EML2: variants seen among roughly 807,000 people sequenced by gnomAD.
EML2 encodes the protein echinoderm microtubule-associated protein-like 2.
A neutral mutation model predicts 84.7 loss-of-function variants in EML2; 59 were observed. The ratio of observed to expected loss-of-function variants is 0.70; its 90% CI spans 0.56 to 0.86. The LOEUF (loss-of-function observed/expected upper bound fraction) is 0.86. EML2 is among the 40% of genes least tolerant of loss of function. The pLI is 0.00. For synonymous variants in EML2, 352 were observed against 348.9 expected (o/e 1.01, Z -0.10); for missense variants, 818 against 855.6 (o/e 0.96, Z 0.55).
chr19:45,629,812 C>T (rs923304729), intron 7 of EML2, 139 bp downstream of exon 7: 5 of 676,258 alleles, frequency 7.4e-6, no homozygotes, highest in Non-Finnish European at 1.3e-5. Context: ...TGGCAAGCGG[C>T]TTGCTCAAGT....
At chr19:45,630,088 TCA>T in intron 6 of EML2, 42 bp from the exon 7 acceptor site, 1 of 1,457,028 alleles carries the variant, frequency 6.9e-7, no homozygotes, top group Non-Finnish European at 9.6e-7. Flanking sequence ...GCAAGGGGAG[TCA>T]GGGCCCATCC....
At chr19:45,638,179 T>G (rs549719987) in intron 3 of EML2, among the ~76,000 whole-genome samples, 2 of 152,352 alleles carry the variant, frequency 1.3e-5, no homozygotes, top group South Asian at 4.1e-4. Context: ...ATCATAAAAT[T>G]CATTTTTCAG....
At position 45,616,775 on chromosome 19, in the gene EML2, G is replaced by A. The variant is rs750443792; in HGVS notation, c.1401C>T (p.Ser467=). ...TDGNEQISVV[S]FSPDGAYLAV... is the part of the protein sequence containing the mutation. ...AGGCCTGCCGCTTACCTGGGGAGAAGCTGACCACTGAGATCTGTTCATTGC... is the reference window on the plus strand; with the variant it reads ...AGGCCTGCCGCTTACCTGGGGAGAAACTGACCACTGAGATCTGTTCATTGC... The change falls in exon 14 of 19, where the codon AGC becomes AGT. Residue 467 remains serine, a synonymous_variant. Transcript: ENST00000245925. 6.2e-7 allele frequency: 1 copy of A among 1,612,976 alleles called. No homozygotes were observed. The highest frequency in any genetic ancestry group is 1.1e-5 in the South Asian group (1 of 91,010).
chr19:45,633,247 C>T, intron 4 of EML2, 108 bp from the exon 5 acceptor site: 3 of 1,120,530 alleles, frequency 2.7e-6, no homozygotes, highest in Non-Finnish European at 4.0e-6. Flanking sequence ...AGTCAATAAA[C>T]GTGTATTTAG....
At chr19:45,642,226 C>T (rs781465212), upstream of EML2, 1 of 1,535,522 alleles carries the variant, frequency 6.5e-7, no homozygotes, top group South Asian at 1.2e-5. Flanking sequence ...TGCCCGCAGG[C>T]GACGCAGAGC....
chr19:45,620,889 C>CT, intron 11 of EML2: 1 of 447,932 alleles, frequency 2.2e-6, no homozygotes, highest in South Asian at 1.8e-5. Context: ...GAGCTGGAGT[C>CT]TGAGAGGTGT....
intron 4 of EML2, among the ~76,000 whole-genome samples, chr19:45,633,498 G>C (rs1294346068): frequency 6.6e-6 from 1 of 151,788 alleles, no homozygotes; most frequent in Non-Finnish European, 1.5e-5. Context: ...CAGCACTTTG[G>C]GAGGCCGAGG....
At chr19:45,616,003 A>C (rs1477741793) in intron 15 of EML2, 114 bp from the exon 16 acceptor site, 2 of 758,934 alleles carry the variant, frequency 2.6e-6, no homozygotes, top group African/African-American at 1.7e-5. Context: ...CGAGAACACA[A>C]GGGGACTAAA....
chr19:45,621,909 G>A (rs367568669), intron 9 of EML2, among the ~76,000 whole-genome samples: 4 of 151,058 alleles, frequency 2.6e-5, no homozygotes, highest in Non-Finnish European at 4.4e-5. Context: ...CATGCCTGGC[G>A]AATTTTTTGT....
rs1484816805 is a variant in EML2 at position 45,615,853 on chromosome 19, G to C, written c.1546C>G (p.Gln516Glu). Residue 516 changes from glutamine (Q) to glutamate (E), a missense_variant, in exon 16 of 19, where the codon CAG becomes GAG. By Grantham distance (29) the Gln-to-Glu change is conservative (BLOSUM62 2). Transcript: ENST00000245925. ...SSFITHLDWAQDSSCFVTNSG... is the reference protein window; with the variant it reads ...SSFITHLDWAEDSSCFVTNSG... The stretch of plus-strand genomic sequence containing the variant: ...TTGGTGACAAAGCAGCTGCTGTCCT[G>C]GGCCCAATCCAGGTGGGTGATAAAA... The C allele has an allele frequency of 6.2e-7, 1 of 1,613,976 alleles. No individual in the cohort carries two copies. Among genetic ancestry groups the C allele is most frequent in the South Asian group, 1.1e-5 (1 of 91,084 alleles).
intron 9 of EML2, among the ~76,000 whole-genome samples, chr19:45,623,059 A>G (rs185213930): frequency 0.011 from 1,674 of 147,760 alleles, 35 homozygotes; most frequent in African/African-American, 0.04. Context: ...AAAAAAAAAA[A>G]AGAGAGAGAG....
chr19:45,612,744 T>C (rs1325281659), intron 18 of EML2, among the ~76,000 whole-genome samples: 1 of 152,058 alleles, frequency 6.6e-6, no homozygotes, highest in Non-Finnish European at 1.5e-5. Flanking sequence ...ATATACCAAA[T>C]CTGGTAATAG....
At position 45,621,599 on chromosome 19, in the gene EML2, C is replaced by T. The variant is rs781680166; in HGVS notation, c.880G>A (p.Asp294Asn). ...RITQAVLGAH[D>N]GGVFGLCALR... Reference sequence around the variant, plus strand: ...GCGCAGAGCCCAAACACGCCGCCGTCGTGGGCGCCCAGCACCGCCTGTGTG... The same window carrying T: ...GCGCAGAGCCCAAACACGCCGCCGTTGTGGGCGCCCAGCACCGCCTGTGTG... Residue 294 changes from aspartate to asparagine, a missense_variant, in exon 10 of 19, where the codon GAC becomes AAC. Physicochemically the swap from Asp to Asn is conservative, Grantham distance 23. Transcript: ENST00000245925. 5.6e-6 allele frequency: 9 copies of T among 1,610,458 alleles called. No individual in the cohort carries two copies. Among genetic ancestry groups the T allele is most frequent in the African/African-American group, 4.0e-5 (3 of 74,918 alleles).
At chr19:45,645,479 C>A (rs1013008148), upstream of EML2, 1 of 1,401,544 alleles carries the variant, frequency 7.1e-7, no homozygotes, top group Admixed American at 3.3e-5. Flanking sequence ...AGGCGGCCGG[C>A]GCCGGGCCCG....
intron 15 of EML2, chr19:45,616,149 A>C: frequency 3.7e-6 from 2 of 536,102 alleles, no homozygotes; most frequent in Non-Finnish European, 3.4e-6. Flanking sequence ...AGGGCTAGAC[A>C]CGGAGGAGCT....
chr19:45,630,093 G>A, intron 6 of EML2, 47 bp from the exon 7 acceptor site: 1 of 1,423,928 alleles, frequency 7.0e-7, no homozygotes. Flanking sequence ...GGGAGTCAGG[G>A]CCCATCCTCC....
chr19:45,634,692 G>A lies in EML2; in HGVS notation c.180-221C>T, dbSNP rs559872190. Among the ~76,000 whole-genome samples, 454 of 149,858 alleles carry A rather than the reference G, an allele frequency of 3.0e-3. 6 individuals carry two copies. The highest frequency in any genetic ancestry group is 0.01 in the African/African-American group (411 of 40,638). On this transcript the variant is annotated intron_variant, in intron 3 of 18. Coordinates refer to ENST00000245925, the MANE Select transcript of EML2 (RefSeq NM_012155.4). ...TTCTCCTGCCTCAGCCTCCTGAGTAGCTGGGACTACAGGCGCCCGCCACCA... is the reference window on the plus strand; with the variant it reads ...TTCTCCTGCCTCAGCCTCCTGAGTAACTGGGACTACAGGCGCCCGCCACCA...
rs1484150167 is a variant in EML2 at position 45,633,130 on chromosome 19, G to T, written c.339C>A (p.Ile113=). 1.9e-6 allele frequency: 3 copies of T among 1,605,860 alleles called. No homozygotes were observed. The highest frequency in any genetic ancestry group is 1.1e-5 in the South Asian group (1 of 89,312). Residue 113 remains isoleucine, a synonymous_variant, in exon 5 of 19, where the codon ATC becomes ATA. Coordinates refer to ENST00000245925, the MANE Select transcript of EML2 (RefSeq NM_012155.4). Reference sequence around the variant, plus strand: ...TGGCGATGGTGACCATATCTGGGTGGATGGCCAAGCTGCGGAAAGAAGGGA... The same window carrying T: ...TGGCGATGGTGACCATATCTGGGTGTATGGCCAAGCTGCGGAAAGAAGGGA... ...GHNDDIKCLA[I]HPDMVTIATG...
intron 3 of EML2, among the ~76,000 whole-genome samples, chr19:45,635,143 G>A (rs758148042): frequency 7.9e-5 from 12 of 151,098 alleles, no homozygotes; most frequent in Non-Finnish European, 1.5e-4. Context: ...GCCACCACGC[G>A]CGGCCTGTTT....
Sources: allele counts gnomAD v4.1 joint callset (sites outside exome capture counted in the v4.1 genomes callset), GRCh38; gene constraint gnomAD v4.1.1; transcripts MANE v1.5; gene names NCBI Gene and HGNC (gene_info 2026-07-23, HGNC 2026-07-21).